Variants in GPR149 observed in about 807,000 individuals in gnomAD.
The protein encoded by GPR149 is probable G protein-coupled receptor 149.
Under a neutral mutation model 50.2 loss-of-function variants are expected in GPR149, and 50 were observed. The observed-to-expected ratio is 1.00, with a 90% CI of 0.79 to 1.26. The LOEUF (loss-of-function observed/expected upper bound fraction) is 1.26, where lower values mean the gene tolerates loss of function less well. Among genes scored for constraint, GPR149 ranks in the 50% most tolerant of loss-of-function variants. The pLI, the probability that GPR149 is intolerant of heterozygous loss-of-function variation, is 0.00. For missense variants in GPR149, 983 were observed against 895.4 expected (o/e 1.10, Z -1.25); for synonymous variants, 405 against 358.2 (o/e 1.13, Z -1.48).
rs779771096 is a variant in GPR149, at chr3:154,429,093, A to T, written c.523T>A (p.Phe175Ile). 1 of 1,613,646 alleles carries T rather than the reference A, an allele frequency of 6.2e-7. No homozygotes were observed. The highest frequency in any genetic ancestry group is 1.1e-5 in the South Asian group (1 of 91,070). ...AGGCAGCCCCAGGGCGTGCGCACGA[A>T]GGCGCCCCAGCCGCACAGCGGGAGC... ...SALPLCGWGA[F>I]VRTPWGCLVD... is the part of the protein sequence containing the mutation. The change falls in exon 1 of 4, where the codon TTC becomes ATC. Residue 175 changes from phenylalanine (F) to isoleucine (I), a missense_variant. Phe to Ile is a conservative substitution (Grantham distance 21). Coordinates refer to ENST00000389740, the MANE Select transcript of GPR149 (RefSeq NM_001038705.3).
At chr3:154,366,276 C>A (rs1296243383) in intron 3 of GPR149, among the ~76,000 whole-genome samples, 1 of 152,134 alleles carries the variant, frequency 6.6e-6, no homozygotes, top group Admixed American at 6.5e-5. Flanking sequence ...AGACTGATCT[C>A]CTTGAGGCAA....
chr3:154,375,497 A>C (rs2108403591), intron 3 of GPR149, among the ~76,000 whole-genome samples: 1 of 152,328 alleles, frequency 6.6e-6, no homozygotes, highest in Non-Finnish European at 1.5e-5. Context: ...TCCAGAATGT[A>C]AACTTTTAAC....
At chr3:154,407,333 A>T (rs1464189545) in intron 3 of GPR149, among the ~76,000 whole-genome samples, 1 of 152,184 alleles carries the variant, frequency 6.6e-6, no homozygotes, top group African/African-American at 2.4e-5. Context: ...ACTTTGGAAG[A>T]TAATGTTTTG....
intron 3 of GPR149, among the ~76,000 whole-genome samples, chr3:154,339,932 G>T (rs1005461552): frequency 6.6e-6 from 1 of 151,580 alleles, no homozygotes; most frequent in Admixed American, 6.6e-5. Context: ...TGGGACTACA[G>T]GCACCCACCA....
chr3:154,351,906 C>T (rs1714090138), intron 3 of GPR149, among the ~76,000 whole-genome samples: 1 of 152,032 alleles, frequency 6.6e-6, no homozygotes, highest in Admixed American at 6.6e-5. Flanking sequence ...CTAATATTCT[C>T]ATTTTTTCTA....
At chr3:154,353,307 G>T in intron 3 of GPR149, 2 of 1,426,856 alleles carry the variant, frequency 1.4e-6, no homozygotes, top group Non-Finnish European at 2.0e-6. Flanking sequence ...TTCATATCTG[G>T]ATTTCATGTA....
chr3:154,406,143 A>G (rs576688559), intron 3 of GPR149, among the ~76,000 whole-genome samples: 1 of 152,148 alleles, frequency 6.6e-6, no homozygotes, highest in Non-Finnish European at 1.5e-5. Context: ...AAAAAGATAG[A>G]AGTTCCTTAA....
intron 3 of GPR149, among the ~76,000 whole-genome samples, chr3:154,400,018 A>G (rs1055074372): frequency 2.6e-5 from 4 of 151,992 alleles, no homozygotes; most frequent in Admixed American, 6.6e-5. Context: ...ACGGAGTCTC[A>G]CTCTGTTGCC....
rs1413117512 is a variant in GPR149 at position 154,378,086 on chromosome 3, C to CG, written c.1624-39816_1624-39815insC. 6.9e-5 allele frequency among the ~76,000 whole-genome samples: 5 copies of CG among 72,532 alleles called. No individual in the cohort carries two copies. In the East Asian group the frequency reaches 3.9e-3, roughly 57 times the overall value. 47.6% of individuals were successfully genotyped at this position (72,532 alleles called of 152,430 possible). A position where few individuals can be genotyped will look rare whatever the true frequency, so the allele number is the denominator to read the frequency against. Reference sequence around the variant, plus strand: ...CTCATTATATTGATATATCCCCCCCCCCTTTTTTTTTTTTTGAGATGGAGT... The same window carrying CG: ...CTCATTATATTGATATATCCCCCCCCGCCTTTTTTTTTTTTTGAGATGGAGT... On this transcript the variant is annotated intron_variant, in intron 3 of 3. Transcript: ENST00000389740.
At chr3:154,361,078 G>A (rs755682560) in intron 3 of GPR149, among the ~76,000 whole-genome samples, 1 of 152,050 alleles carries the variant, frequency 6.6e-6, no homozygotes, top group Non-Finnish European at 1.5e-5. Flanking sequence ...TGATTTAGAA[G>A]ACAAAGTCTC....
At chr3:154,340,926 T>C (rs1366503277) in intron 3 of GPR149, among the ~76,000 whole-genome samples, 1 of 152,120 alleles carries the variant, frequency 6.6e-6, no homozygotes, top group Non-Finnish European at 1.5e-5. Flanking sequence ...TTCACTATGT[T>C]GGCCAGGCTG....
chr3:154,373,078 A>G (rs1187312842), intron 3 of GPR149, among the ~76,000 whole-genome samples: 2 of 152,170 alleles, frequency 1.3e-5, no homozygotes, highest in African/African-American at 4.8e-5. Context: ...TATATTTGAA[A>G]TAAAATTGAA....
At chr3:154,361,189 T>C (rs1453633486) in intron 3 of GPR149, among the ~76,000 whole-genome samples, 1 of 152,190 alleles carries the variant, frequency 6.6e-6, no homozygotes, top group African/African-American at 2.4e-5. Flanking sequence ...ATTCTAGTGG[T>C]ATTATTGAAT....
At chr3:154,418,112 G>A (rs1712037918) in intron 3 of GPR149, among the ~76,000 whole-genome samples, 1 of 141,892 alleles carries the variant, frequency 7.0e-6, no homozygotes, top group African/African-American at 2.7e-5. Context: ...AAACCACGAT[G>A]AGATACCATC....
At chr3:154,426,167 T>C (rs890705189) in intron 2 of GPR149, among the ~76,000 whole-genome samples, 5 of 152,184 alleles carry the variant, frequency 3.3e-5, no homozygotes, top group African/African-American at 9.6e-5. Flanking sequence ...ATATTAATCT[T>C]TAGAGACACA....
chr3:154,364,719 C>A (rs1054853044), intron 3 of GPR149, among the ~76,000 whole-genome samples: 1 of 152,250 alleles, frequency 6.6e-6, no homozygotes, highest in African/African-American at 2.4e-5. Flanking sequence ...TCCTGTCTTA[C>A]GGACTTACTG....
intron 3 of GPR149, among the ~76,000 whole-genome samples, chr3:154,407,108 C>T (rs1711716128): frequency 1.3e-5 from 2 of 152,170 alleles, no homozygotes; most frequent in Non-Finnish European, 2.9e-5. Flanking sequence ...ATTCAAGGAT[C>T]TCCCACTGGG....
At chr3:154,344,329 AG>A (rs1178637906) in intron 3 of GPR149, among the ~76,000 whole-genome samples, 5 of 152,250 alleles carry the variant, frequency 3.3e-5, no homozygotes, top group African/African-American at 4.8e-5. Flanking sequence ...TCATTCAAAA[AG>A]TTTAAGGACA....
At chr3:154,359,258 A>C (rs927742968) in intron 3 of GPR149, among the ~76,000 whole-genome samples, 7 of 152,216 alleles carry the variant, frequency 4.6e-5, no homozygotes, top group African/African-American at 1.4e-4. Context: ...TATTCTTGTC[A>C]GTGAAGCTAA....
Sources: allele counts gnomAD v4.1 joint callset (sites outside exome capture counted in the v4.1 genomes callset), GRCh38; gene constraint gnomAD v4.1.1; transcripts MANE v1.5; gene names NCBI Gene and HGNC (gene_info 2026-07-23, HGNC 2026-07-21).